Variants in PDHA1 observed in about 807,000 individuals in gnomAD.
PDHA1 encodes pyruvate dehydrogenase E1 subunit alpha 1.
A neutral mutation model predicts 33.0 loss-of-function variants in PDHA1; 1 was observed. That is an observed-to-expected ratio of 0.03 (90% CI 0.01 to 0.14). PDHA1 has a LOEUF of 0.14. PDHA1 is among the 10% of genes least tolerant of loss of function. The pLI is 1.00. For synonymous variants in PDHA1, 123 were observed against 119.2 expected, an observed-to-expected ratio of 1.03 and a Z score of -0.21; for missense variants, 168 against 325.1, an observed-to-expected ratio of 0.52 and a Z score of 3.72.
rs902040105 is a variant in PDHA1 at position 19,351,289 on chromosome X, C to T, written c.300C>T (p.Cys100=). Residue 100 remains cysteine (C), a synonymous_variant, in exon 4 of 11, where the codon TGC becomes TGT. Coordinates refer to ENST00000422285, the MANE Select transcript of PDHA1 (RefSeq NM_000284.4). ...TCCTTCCTCTAACACAGGAAGCTTG[C>T]TGTGTGGGCCTGGAGGCCGGCATCA... ...FCHLCDGQEA[C]CVGLEAGINP... The T allele has an allele frequency of 2.0e-5, 24 of 1,204,974 alleles. No individual in the cohort carries two copies. Among genetic ancestry groups the T allele is most frequent in the Non-Finnish European group, 2.7e-5 (24 of 889,359 alleles).
intron 5 of PDHA1, 93 bp from the exon 6 acceptor site, chrX:19,354,398 C>T: frequency 1.7e-6 from 1 of 580,318 alleles, no homozygotes; most frequent in Non-Finnish European, 3.1e-6. Flanking sequence ...ATTTCTGTGT[C>T]AGATTCTGGC....
At chrX:19,346,036 ATAAG>A (rs1465072774) in intron 1 of PDHA1, among the ~76,000 whole-genome samples, 6 of 112,157 alleles carry the variant, frequency 5.3e-5, no homozygotes, top group African/African-American at 1.9e-4. Flanking sequence ...TTACTTAACT[ATAAG>A]TAACAAAATA....
At position 19,344,006 on chromosome X, in the gene PDHA1, G is replaced by A; in HGVS notation, c.-32G>A. On this transcript the variant is annotated 5_prime_UTR_variant, in exon 1 of 11. Coordinates refer to ENST00000422285, the MANE Select transcript of PDHA1 (RefSeq NM_000284.4). ...CCGCGTCGTGCCTCCTGGGTTGTGAGGAGTCGCCGCTGCCGCCACTGCCTG... is the reference window on the plus strand; with the variant it reads ...CCGCGTCGTGCCTCCTGGGTTGTGAAGAGTCGCCGCTGCCGCCACTGCCTG... The A allele has an allele frequency of 8.3e-7, 1 of 1,199,259 alleles. No homozygotes were observed. Among genetic ancestry groups the A allele is most frequent in the Non-Finnish European group, 1.1e-6 (1 of 886,586 alleles).
Position 19,355,663 on chromosome X carries a change from G to A in PDHA1, c.760-23G>A, listed in dbSNP as rs375863946. ...TTTGGGGCAGTTGGATTCATGCTTC[G>A]CCCCTCCCCTGTTTATTACCAGGTG... On this transcript the variant is annotated intron_variant, in intron 7 of 10. Coordinates refer to ENST00000422285, the MANE Select transcript of PDHA1 (RefSeq NM_000284.4). The A allele has an allele frequency of 1.9e-5, 23 of 1,182,690 alleles. No individual in the cohort carries two copies. In the East Asian group the frequency reaches 3.0e-4, roughly 15 times the overall value.
intron 4 of PDHA1, among the ~76,000 whole-genome samples, chrX:19,352,225 C>CTTTTT (rs1237519823): frequency 5.8e-5 from 5 of 86,263 alleles, no homozygotes; most frequent in African/African-American, 1.9e-4. Context: ...CCTCCTCCTC[C>CTTTTT]TTTTTTTTTT....
intron 8 of PDHA1, 186 bp from the exon 9 acceptor site, chrX:19,357,466 G>A: frequency 2.0e-6 from 1 of 500,205 alleles, no homozygotes; most frequent in Non-Finnish European, 3.6e-6. Flanking sequence ...GATGAAATAT[G>A]CAATCAATAC....
Position 19,359,700 on chromosome X carries a change from G to GTTCTCAACTTGGTTAAGGA in PDHA1, c.*48_*66dup. 1.8e-6 allele frequency: 2 copies of GTTCTCAACTTGGTTAAGGA among 1,105,080 alleles called. No individual in the cohort carries two copies. Among genetic ancestry groups the GTTCTCAACTTGGTTAAGGA allele is most frequent in the Non-Finnish European group, 2.5e-6 (2 of 798,937 alleles). The allele number at this position is 1,105,080 out of a possible 1,213,427, so 91.1% of individuals were successfully genotyped here. A position where few individuals can be genotyped will look rare whatever the true frequency, so the allele number is the denominator to read the frequency against. On this transcript the variant is annotated 3_prime_UTR_variant, in exon 11 of 11. Transcript: ENST00000422285. ...TACCTTCAGGGGGCTACCAGACAGT[G>GTTCTCAACTTGGTTAAGGA]TTCTCAACTTGGTTAAGGAGGAAGA...
At chrX:19,345,753 C>CA (rs760312591) in intron 1 of PDHA1, 3 of 268,405 alleles carry the variant, frequency 1.1e-5, no homozygotes, top group African/African-American at 6.4e-5. Context: ...GGTCCCCCCC[C>CA]CCCCGCCACC....
rs185487420 is a variant in PDHA1 at position 19,352,751 on chromosome X, A to G, written c.419-331A>G. ...TGTGCAGTTCAAACCCTGTTCAAGG[A>G]TTGAATATATTTAGTGTACTAGTAT... On this transcript the variant is annotated intron_variant, in intron 4 of 10. Transcript: ENST00000422285. The G allele has an allele frequency of 1.7e-3, 504 of 302,973 alleles. 5 individuals carry two copies. The highest frequency in any genetic ancestry group is 2.5e-3 in the Non-Finnish European group (416 of 168,594). The allele number at this position is 302,973 out of a possible 1,213,427, so 25.0% of individuals were successfully genotyped here. A position where few individuals can be genotyped will look rare whatever the true frequency, so the allele number is the denominator to read the frequency against.
In PDHA1 at chrX:19,343,975, G is replaced by A; in HGVS notation, c.-63G>A. 1 of 1,065,668 alleles carries A rather than the reference G, an allele frequency of 9.4e-7. No homozygotes were observed. Among genetic ancestry groups the A allele is most frequent in the Non-Finnish European group, 1.3e-6 (1 of 767,810 alleles). The allele number at this position is 1,065,668 out of a possible 1,213,427, so 87.8% of individuals were successfully genotyped here. A position where few individuals can be genotyped will look rare whatever the true frequency, so the allele number is the denominator to read the frequency against. ...GCTGGGGCACCTGAAGGAGACTTGG[G>A]GGCACCCGCGTCGTGCCTCCTGGGT... On this transcript the variant is annotated 5_prime_UTR_variant, in exon 1 of 11. Transcript: ENST00000422285.
chrX:19,346,576 G>A lies in PDHA1; in HGVS notation c.57+2482G>A, dbSNP rs145749914. On this transcript the variant is annotated intron_variant, in intron 1 of 10. Coordinates refer to ENST00000422285, the MANE Select transcript of PDHA1 (RefSeq NM_000284.4). ...CAGGCTCAAGCAGTCCTCCCACCTC[G>A]GCCTCCCAAAGTGCTGGGATTACTC... is the stretch of plus-strand genomic sequence containing the variant. The A allele has an allele frequency of 4.2e-3, 3,630 of 867,742 alleles. 97 individuals carry two copies. The African/African-American group carries it at 0.064, about 15-fold the overall frequency. The allele number at this position is 867,742 out of a possible 1,213,427, so 71.5% of individuals were successfully genotyped here.
intron 5 of PDHA1, among the ~76,000 whole-genome samples, chrX:19,353,510 G>A (rs1000146124): frequency 2.7e-5 from 3 of 111,841 alleles, no homozygotes; most frequent in Admixed American, 9.5e-5. Context: ...GTGTGCAGTG[G>A]GCTGTACCAT....
intron 5 of PDHA1, 143 bp from the exon 6 acceptor site, chrX:19,354,346 CAG>C: frequency 9.8e-6 from 5 of 512,796 alleles, no homozygotes; most frequent in South Asian, 7.7e-5. Flanking sequence ...GTGGGATAAA[CAG>C]AGAGATAGGG....
chrX:19,352,102 G>A (rs2063167264), intron 4 of PDHA1, among the ~76,000 whole-genome samples: 1 of 109,640 alleles, frequency 9.1e-6, no homozygotes, highest in African/African-American at 3.3e-5. Flanking sequence ...CACCTGGCCT[G>A]TTTTGTTTTT....
At chrX:19,349,880 T>G (rs1436879877) in intron 2 of PDHA1, 57 bp from the exon 3 acceptor site, 1 of 974,192 alleles carries the variant, frequency 1.0e-6, no homozygotes, top group Non-Finnish European at 1.5e-6. Context: ...CTTAGAGTGG[T>G]CAACAGTGTT....
chrX:19,351,272 C>G lies in PDHA1; in HGVS notation c.292-9C>G, dbSNP rs371532584. On this transcript the variant is annotated splice_polypyrimidine_tract_variant and intron_variant, in intron 3 of 10. Transcript: ENST00000422285. The stretch of plus-strand genomic sequence containing the variant: ...TATTGCCTCATAGTTTCTCCTTCCT[C>G]TAACACAGGAAGCTTGCTGTGTGGG... The G allele has an allele frequency of 1.7e-6, 2 of 1,207,256 alleles. No individual in the cohort carries two copies. Among genetic ancestry groups the G allele is most frequent in the Non-Finnish European group, 2.2e-6 (2 of 891,464 alleles).
chrX:19,344,377 G>A (rs766854114), intron 1 of PDHA1, among the ~76,000 whole-genome samples: 2 of 113,479 alleles, frequency 1.8e-5, no homozygotes, highest in South Asian at 7.1e-4. Flanking sequence ...CTCAAGAGGT[G>A]CCTGTTGGGT....
rs192773464 is a variant in PDHA1 at position 19,343,940 on chromosome X, C to T, written c.-98C>T. 1,702 of 769,819 alleles carry T rather than the reference C, an allele frequency of 2.2e-3. 3 individuals are homozygous for T. The highest frequency in any genetic ancestry group is 2.8e-3 in the Non-Finnish European group (1,410 of 506,688). The allele number at this position is 769,819 out of a possible 1,213,427, so 63.4% of individuals were successfully genotyped here. A position where few individuals can be genotyped will look rare whatever the true frequency, so the allele number is the denominator to read the frequency against. ...CTGTCACGCCGCGGTGCGACTGAGG[C>T]GTGGCGTCTGCTGGGGCACCTGAAG... On this transcript the variant is annotated 5_prime_UTR_variant, in exon 1 of 11. Coordinates refer to ENST00000422285, the MANE Select transcript of PDHA1 (RefSeq NM_000284.4).
At chrX:19,344,225 G>C in intron 1 of PDHA1, 131 bp downstream of exon 1, 1 of 528,372 alleles carries the variant, frequency 1.9e-6, no homozygotes, top group Non-Finnish European at 3.1e-6. Context: ...CCTTTACTTC[G>C]CCTCCGCGCC....
Sources: allele counts gnomAD v4.1 joint callset (sites outside exome capture counted in the v4.1 genomes callset), GRCh38; gene constraint gnomAD v4.1.1; transcripts MANE v1.5; gene names NCBI Gene and HGNC (gene_info 2026-07-23, HGNC 2026-07-21).